ZPBP: variants seen among roughly 807,000 people sequenced by gnomAD.
ZPBP encodes the protein zona pellucida binding protein.
In ZPBP, 26 loss-of-function variants were observed where a neutral mutation model predicts 44.8. The ratio of observed to expected loss-of-function variants is 0.58; its 90% CI spans 0.43 to 0.81. The LOEUF is 0.81. ZPBP is among the 30% of genes least tolerant of loss of function. ZPBP has a pLI of 0.00. For missense variants in ZPBP, 409 were observed against 434.0 expected (o/e 0.94, Z 0.51); for synonymous variants, 174 against 153.2 (o/e 1.14, Z -1.00).
chr7:50,034,558 C>T (rs908672685), intron 4 of ZPBP, among the ~76,000 whole-genome samples: 12 of 152,106 alleles, frequency 7.9e-5, no homozygotes, highest in African/African-American at 2.9e-4. Flanking sequence ...TTGCAGACTG[C>T]TCCAGATGTT....
intron 4 of ZPBP, among the ~76,000 whole-genome samples, chr7:50,054,886 T>C (rs1562592825): frequency 1.3e-5 from 2 of 151,958 alleles, no homozygotes; most frequent in Non-Finnish European, 2.9e-5. Context: ...CTCACACAAA[T>C]AACAAGATTT....
At chr7:49,909,135 C>T (rs1473347267) in intron 1 of ZPBP, among the ~76,000 whole-genome samples, 2 of 152,162 alleles carry the variant, frequency 1.3e-5, no homozygotes, top group Non-Finnish European at 2.9e-5. Flanking sequence ...TCCAAGATCA[C>T]ATAACTATTA....
chr7:49,923,953 G>A (rs1176317625), intron 1 of ZPBP, among the ~76,000 whole-genome samples: 2 of 151,992 alleles, frequency 1.3e-5, no homozygotes, highest in Admixed American at 6.6e-5. Flanking sequence ...GCGAAGCCCC[G>A]TCTCTACAAA....
chr7:49,854,360 C>A (rs1355846916), intron 2 of ZPBP, among the ~76,000 whole-genome samples: 2 of 152,146 alleles, frequency 1.3e-5, no homozygotes, highest in African/African-American at 4.8e-5. Context: ...TTCCCCACAT[C>A]CTCTCCAGCA....
At chr7:49,965,623 T>C (rs1456052557) in intron 7 of ZPBP, among the ~76,000 whole-genome samples, 3 of 152,068 alleles carry the variant, frequency 2.0e-5, no homozygotes, top group African/African-American at 7.2e-5. Flanking sequence ...GAGAGTTTTT[T>C]TGGTGTTATT....
intron 6 of ZPBP, among the ~76,000 whole-genome samples, chr7:50,014,434 AT>A (rs1469736867): frequency 6.8e-6 from 1 of 147,766 alleles, no homozygotes; most frequent in South Asian, 2.2e-4. Flanking sequence ...AAATATATTT[AT>A]TTATCATTTT....
chr7:50,069,858 C>A (rs1214137707), intron 3 of ZPBP, among the ~76,000 whole-genome samples: 5 of 152,094 alleles, frequency 3.3e-5, no homozygotes, highest in Non-Finnish European at 7.4e-5. Context: ...CTGGTCCTAT[C>A]AGCCTTATGC....
chr7:49,911,918 T>TACAGGCACAC, intron 1 of ZPBP: 1 of 222,948 alleles, frequency 4.5e-6, no homozygotes, highest in Non-Finnish European at 6.0e-6. Context: ...AACAAACAAA[T>TACAGGCACAC]ACACGCACAC....
At chr7:50,044,252 G>C (rs1034468628) in intron 4 of ZPBP, among the ~76,000 whole-genome samples, 2 of 152,084 alleles carry the variant, frequency 1.3e-5, no homozygotes, top group Non-Finnish European at 2.9e-5. Flanking sequence ...ACAATTAAAA[G>C]AACTAGAGAA....
At chr7:49,995,589 C>A (rs891484796) in intron 6 of ZPBP, among the ~76,000 whole-genome samples, 1 of 152,158 alleles carries the variant, frequency 6.6e-6, no homozygotes, top group Admixed American at 6.5e-5. Context: ...TCTTTTAAGT[C>A]CTTGATGATG....
chr7:50,084,769 C>T (rs1584198776), intron 2 of ZPBP, among the ~76,000 whole-genome samples: 2 of 151,954 alleles, frequency 1.3e-5, no homozygotes, highest in East Asian at 1.9e-4. Context: ...ACCCAGATAA[C>T]GTTTTATAAT....
In ZPBP at chr7:50,030,053, C is replaced by T. The variant is rs1016506166; in HGVS notation, c.706+1039G>A. 1.3e-4 allele frequency among the ~76,000 whole-genome samples: 20 copies of T among 152,218 alleles called. 1 individual carries two copies. Among genetic ancestry groups the T allele is most frequent in the Middle Eastern group, 3.4e-3 (1 of 294 alleles). ...GTATTTTTAGTAGAGGCAGGTTTCG[C>T]CATGTTGGCCAGGCTGGTCCCAAAC... On this transcript the variant is annotated intron_variant, in intron 5 of 7. Transcript: ENST00000046087.
At chr7:49,865,664 C>G (rs1312603207) in intron 2 of ZPBP, among the ~76,000 whole-genome samples, 1 of 152,162 alleles carries the variant, frequency 6.6e-6, no homozygotes, top group Non-Finnish European at 1.5e-5. Context: ...GTCCCATTGT[C>G]CAAAGCAAGT....
At chr7:50,062,959 T>C (rs1268427672) in intron 3 of ZPBP, among the ~76,000 whole-genome samples, 4 of 148,070 alleles carry the variant, frequency 2.7e-5, no homozygotes, top group Non-Finnish European at 6.0e-5. Context: ...AAACAAAGAG[T>C]CGTTACCTTT....
chr7:49,851,730 C>T (rs751211839), intron 2 of ZPBP, among the ~76,000 whole-genome samples: 13 of 152,222 alleles, frequency 8.5e-5, no homozygotes, highest in Non-Finnish European at 1.6e-4. Flanking sequence ...TGCTGGCACA[C>T]GCCTATAATC....
chr7:50,065,194 C>CT (rs1337937487), intron 3 of ZPBP, among the ~76,000 whole-genome samples: 1 of 138,234 alleles, frequency 7.2e-6, no homozygotes, highest in Non-Finnish European at 1.6e-5. Context: ...AAGAGTTCCT[C>CT]TTGCTTTAGA....
chr7:49,975,410 G>A (rs1796466312), intron 7 of ZPBP, among the ~76,000 whole-genome samples: 1 of 152,048 alleles, frequency 6.6e-6, no homozygotes, highest in South Asian at 2.1e-4. Context: ...GGTTTTGGAG[G>A]GTCAAGGAGC....
At position 50,018,288 on chromosome 7, in the gene ZPBP, G is replaced by A. The variant is rs748082755; in HGVS notation, c.735C>T (p.Pro245=). The change falls in exon 6 of 8, where the codon CCC becomes CCT. Residue 245 remains proline, a synonymous_variant. Transcript: ENST00000046087. ...SVSSLDTEKG[P]KRCTDHNCEP... is the part of the protein sequence containing the mutation. Reference sequence around the variant, plus strand: ...CACAGTTATGGTCTGTACATCGCTTGGGTCCTTTTTCAGTGTCTAGAGATG... The same window carrying A: ...CACAGTTATGGTCTGTACATCGCTTAGGTCCTTTTTCAGTGTCTAGAGATG... 6.2e-7 allele frequency: 1 copy of A among 1,609,846 alleles called. No homozygotes were observed. The highest frequency in any genetic ancestry group is 8.5e-7 in the Non-Finnish European group (1 of 1,178,576).
intron 7 of ZPBP, among the ~76,000 whole-genome samples, chr7:49,967,979 A>C (rs927683639): frequency 6.6e-6 from 1 of 152,166 alleles, no homozygotes; most frequent in Non-Finnish European, 1.5e-5. Flanking sequence ...AACTCCTGGT[A>C]CTTGTGTAAC....
Sources: allele counts gnomAD v4.1 joint callset (sites outside exome capture counted in the v4.1 genomes callset), GRCh38; gene constraint gnomAD v4.1.1; transcripts MANE v1.5; gene names NCBI Gene and HGNC (gene_info 2026-07-23, HGNC 2026-07-21).